PLEC: variants seen among roughly 807,000 people sequenced by gnomAD.
PLEC encodes hemidesmosomal protein 1.
A neutral mutation model predicts 392.8 loss-of-function variants in PLEC; 216 were observed. That is an observed-to-expected ratio of 0.55 (90% CI 0.49 to 0.62). The LOEUF (loss-of-function observed/expected upper bound fraction) is 0.62, where lower values mean the gene tolerates loss of function less well. Ranked by LOEUF, PLEC falls within the 20% of genes least tolerant of loss-of-function variation. PLEC has a pLI of 0.00. For synonymous variants in PLEC, 3,621 were observed against 2,980.6 expected (o/e 1.21, Z -7.00); for missense variants, 6,863 against 6,563.4 (o/e 1.05, Z -1.58).
At chr8:143,947,031 A>AC (rs1274398632) in intron 1 of PLEC, among the ~76,000 whole-genome samples, 1 of 151,944 alleles carries the variant, frequency 6.6e-6, no homozygotes, top group Non-Finnish European at 1.5e-5. Context: ...CATCGTAACT[A>AC]CCCCTTAGAA....
At chr8:143,942,345 AGCGATGGTG>A (rs1300335922), upstream of PLEC, 11 of 1,594,912 alleles carry the variant, frequency 6.9e-6, no homozygotes, top group Middle Eastern at 2.0e-4. Flanking sequence ...ACTAGGTGAG[AGCGATGGTG>A]GCCCCTTCTG....
exon 1 of PLEC, chr8:143,950,693 A>G (rs781951700): frequency 6.4e-7 from 1 of 1,566,174 alleles, no homozygotes; most frequent in South Asian, 1.2e-5. Context: ...TGGCATGAGC[A>G]TGCCGGCCAC....
Position 143,937,064 on chromosome 8 carries a change from A to G in PLEC, c.350T>C (p.Leu117Pro). ...GATGTCATCATTCCTGATGTTCACCAGCTTCACCTGTGAGCGAGGGGCTCT... is the reference window on the plus strand; with the variant it reads ...GATGTCATCATTCCTGATGTTCACCGGCTTCACCTGTGAGCGAGGGGCTCT... ...LDYLRHRQVK[L>P]VNIRNDDIAD... The change falls in exon 5 of 32, where the codon CTG becomes CCG. Residue 117 changes from leucine (L) to proline (P), a missense_variant. By Grantham distance (98) the Leu-to-Pro change is moderately conservative. Coordinates refer to ENST00000345136, the MANE Select transcript of PLEC (RefSeq NM_201384.3). 6.2e-7 allele frequency: 1 copy of G among 1,612,888 alleles called. No homozygotes were observed. The highest frequency in any genetic ancestry group is 8.5e-7 in the Non-Finnish European group (1 of 1,179,696).
chr8:143,943,990 AGC>A, upstream of PLEC: 1 of 1,523,554 alleles, frequency 6.6e-7, no homozygotes, highest in South Asian at 1.2e-5. Context: ...AGCGAGGGGG[AGC>A]GCCGGGACCG....
At chr8:143,935,426 AC>A in intron 6 of PLEC, 113 bp from the exon 7 acceptor site, 1 of 744,846 alleles carries the variant, frequency 1.3e-6, no homozygotes, top group Non-Finnish European at 2.4e-6. Context: ...GACCCCCCCA[AC>A]ACTCACCCTG....
At position 143,916,424 on chromosome 8, in the gene PLEC, G is replaced by A. The variant is rs1485431458; in HGVS notation, c.13397C>T (p.Ala4466Val). The change falls in exon 32 of 32, where the codon GCT (alanine) becomes GTT (valine). Residue 4466 changes from alanine to valine, a missense_variant. Physicochemically the swap from Ala to Val is moderately conservative, Grantham distance 64. Transcript: ENST00000345136. ...GTAGCCCTTGGTGGACTGCGCGGCA[G>A]CCTCCAGCAGCCGCAGCCCCGTGCC... ...EEGTGLRLLE[A>V]AAQSTKGYYS... The A allele has an allele frequency of 6.2e-7, 1 of 1,611,506 alleles. No homozygotes were observed. The highest frequency in any genetic ancestry group is 1.3e-5 in the African/African-American group (1 of 74,896).
chr8:143,934,816 C>T lies in PLEC; in HGVS notation c.939G>A (p.Glu313=). The T allele has an allele frequency of 6.2e-7, 1 of 1,611,736 alleles. No individual in the cohort carries two copies. ...EERRFPSSFE[E]IEILWSQFLK... ...CCCCCCACGGCAGGCCCACCTCAAT[C>T]TCCTCGAAGCTGGAGGGGAACCTGC... Residue 313 remains glutamate (E), a synonymous_variant, in exon 9 of 32, where the codon GAG becomes GAA. Transcript: ENST00000345136.
intron 16 of PLEC, 63 bp from the exon 17 acceptor site, chr8:143,932,297 C>A (rs1468949542): frequency 6.8e-6 from 11 of 1,607,798 alleles, no homozygotes; most frequent in African/African-American, 1.3e-5. Context: ...ACGCTCCCAG[C>A]AAACTCGACC....
Position 143,925,340 on chromosome 8 carries a change from TCGCGCGCCGCCTCGGCCTCGGCCTTCA to T in PLEC, c.4562_4588del (p.Val1521_Arg1529del), listed in dbSNP as rs1314573580. ...CAGGGCCTGCAGGGCCCGCTGCTTC[TCGCGCGCCGCCTCGGCCTCGGCCTTCA>T]CGCGCGAGGCCAGCTCCACCTCCGC... On this transcript the variant is annotated inframe_deletion, in exon 31 of 32. Transcript: ENST00000345136. 20 of 1,553,852 alleles carry T rather than the reference TCGCGCGCCGCCTCGGCCTCGGCCTTCA, an allele frequency of 1.3e-5. No homozygotes were observed. The highest frequency in any genetic ancestry group is 4.8e-5 in the East Asian group (2 of 41,910).
intron 30 of PLEC, 118 bp from the exon 31 acceptor site, chr8:143,926,002 C>CA (rs2131528515): frequency 8.6e-7 from 1 of 1,156,244 alleles, no homozygotes; most frequent in Non-Finnish European, 1.2e-6. Flanking sequence ...TCGGGGAAGA[C>CA]AGAGGCCCCA....
At chr8:143,962,186 C>T (rs1218175359) in intron 1 of PLEC, among the ~76,000 whole-genome samples, 4 of 152,202 alleles carry the variant, frequency 2.6e-5, no homozygotes, top group Admixed American at 6.5e-5. Context: ...ATGAGATCAT[C>T]TTGGATTACC....
At position 143,915,470 on chromosome 8, in the gene PLEC, C is replaced by A. The variant is rs1230580334; in HGVS notation, c.*707G>T. ...CAAGCTGGAGGGGCCCCTGGACCCA[C>A]CAGGAGGACAGGTCTGCAGTTCCCA... On this transcript the variant is annotated 3_prime_UTR_variant, in exon 32 of 32. Coordinates refer to ENST00000345136, the MANE Select transcript of PLEC (RefSeq NM_201384.3). 6.6e-6 allele frequency: 1 copy of A among 152,428 alleles called. No homozygotes were observed. Among genetic ancestry groups the A allele is most frequent in the Admixed American group, 6.5e-5 (1 of 15,306 alleles). 9.4% of individuals were successfully genotyped at this position (152,428 alleles called of 1,614,324 possible).
chr8:143,951,308 C>G (rs868962175), upstream of PLEC, among the ~76,000 whole-genome samples: 1 of 152,012 alleles, frequency 6.6e-6, no homozygotes, highest in Non-Finnish European at 1.5e-5. Flanking sequence ...GCTGCCAGGC[C>G]TGGAGGGATG....
Position 143,920,354 on chromosome 8 carries a change from A to G in PLEC, c.9467T>C (p.Val3156Ala). The G allele has an allele frequency of 5.6e-6, 9 of 1,595,684 alleles. No homozygotes were observed. The highest frequency in any genetic ancestry group is 7.7e-6 in the Non-Finnish European group (9 of 1,175,918). ...PSKSHRVPLDVACARGCLDEE... is the reference protein window; with the variant it reads ...PSKSHRVPLDAACARGCLDEE... ...ATCCAGGCAGCCTCGGGCGCAGGCG[A>G]CATCCAGGGGCACGCGGTGGCTCTT... is the stretch of plus-strand genomic sequence containing the variant. The change falls in exon 32 of 32, where the codon GTC becomes GCC. Residue 3156 changes from valine to alanine, a missense_variant. Val to Ala is a moderately conservative substitution (Grantham distance 64). Transcript: ENST00000345136.
chr8:143,931,648 A>G lies in PLEC; in HGVS notation c.2190T>C (p.Asp730=). Residue 730 remains aspartate, a synonymous_variant, in exon 19 of 32, where the codon GAT becomes GAC. Coordinates refer to ENST00000345136, the MANE Select transcript of PLEC (RefSeq NM_201384.3). ...GCAACTGCCCCTCGGCCTCCCGCAC[A>G]TCTGAGAAGAACTGGGGCAGCGGGA... ...ENAAYFQFFS[D]VREAEGQLQK... 1.2e-6 allele frequency: 2 copies of G among 1,600,482 alleles called. No individual in the cohort carries two copies. The highest frequency in any genetic ancestry group is 1.1e-5 in the South Asian group (1 of 88,742).
At chr8:143,942,392 C>G (rs1479635434), upstream of PLEC, 1 of 1,603,146 alleles carries the variant, frequency 6.2e-7, no homozygotes, top group African/African-American at 1.3e-5. Flanking sequence ...CTGCACCCAC[C>G]TACGCAGCAC....
chr8:143,940,456 G>T (rs1250773190), upstream of PLEC, among the ~76,000 whole-genome samples: 6 of 152,206 alleles, frequency 3.9e-5, no homozygotes, highest in African/African-American at 1.4e-4. Context: ...GGGGTGGGGG[G>T]TGCTGTTTGC....
rs782589164 is a variant in PLEC at position 143,920,270 on chromosome 8, G to A, written c.9551C>T (p.Pro3184Leu). 8.8e-6 allele frequency: 14 copies of A among 1,596,694 alleles called. No homozygotes were observed. The highest frequency in any genetic ancestry group is 1.2e-5 in the Non-Finnish European group (14 of 1,177,198). Residue 3184 changes from proline to leucine, a missense_variant, in exon 32 of 32, where the codon CCC (proline) becomes CTC (leucine). By Grantham distance (98) the Pro-to-Leu change is moderately conservative. Transcript: ENST00000345136. ...PRADAKAYSD[P>L]STGEPATYGE... ...GTAGGTGGCCGGCTCCCCTGTGCTGGGGTCACTGTAGGCCTTGGCGTCGGC... is the reference window on the plus strand; with the variant it reads ...GTAGGTGGCCGGCTCCCCTGTGCTGAGGTCACTGTAGGCCTTGGCGTCGGC...
At chr8:143,971,982 AC>A (rs1331441400) in intron 1 of PLEC, among the ~76,000 whole-genome samples, 5 of 152,112 alleles carry the variant, frequency 3.3e-5, no homozygotes, top group African/African-American at 9.7e-5. Context: ...AGTAGTTCCC[AC>A]CCCAGGAGGT....
Sources: allele counts gnomAD v4.1 joint callset (sites outside exome capture counted in the v4.1 genomes callset), GRCh38; gene constraint gnomAD v4.1.1; transcripts MANE v1.5; gene names NCBI Gene and HGNC (gene_info 2026-07-23, HGNC 2026-07-21).